Variants in MSI2 observed in about 807,000 individuals in gnomAD.
MSI2 encodes RNA-binding protein Musashi homolog 2.
A neutral mutation model predicts 45.6 loss-of-function variants in MSI2; 17 were observed. The observed-to-expected ratio is 0.37, with a 90% CI of 0.26 to 0.56. The LOEUF is 0.56. Among genes scored for constraint, MSI2 ranks in the 20% least tolerant of loss-of-function variants. The probability of loss-of-function intolerance (pLI) is 0.77; values close to 1 mark genes in which losing one functional copy is unlikely to be tolerated. For missense variants in MSI2, 293 were observed against 444.2 expected (o/e 0.66, Z 3.06); for synonymous variants, 156 against 158.2 (o/e 0.99, Z 0.11).
chr17:57,327,883 G>A (rs1046313653), intron 5 of MSI2, among the ~76,000 whole-genome samples: 1 of 152,128 alleles, frequency 6.6e-6, no homozygotes, highest in Non-Finnish European at 1.5e-5. Context: ...CCCATTGTCA[G>A]GCAGGCCCGT....
At chr17:57,493,660 G>A (rs1238700030) in intron 6 of MSI2, among the ~76,000 whole-genome samples, 4 of 149,482 alleles carry the variant, frequency 2.7e-5, no homozygotes, top group East Asian at 2.0e-4. Context: ...CTTGAGCTGC[G>A]GGATGATCTT....
At chr17:57,286,898 G>C (rs919852421) in intron 5 of MSI2, among the ~76,000 whole-genome samples, 1 of 152,138 alleles carries the variant, frequency 6.6e-6, no homozygotes, top group Non-Finnish European at 1.5e-5. Flanking sequence ...TTAAAATGCC[G>C]AGGTAGGTTT....
chr17:57,560,486 C>A (rs1038804002), intron 7 of MSI2, among the ~76,000 whole-genome samples: 3 of 152,184 alleles, frequency 2.0e-5, no homozygotes, highest in African/African-American at 7.2e-5. Flanking sequence ...CCCACCACCC[C>A]CAGATCACCA....
At chr17:57,678,124 G>A (rs942194575) in intron 13 of MSI2, among the ~76,000 whole-genome samples, 1 of 152,198 alleles carries the variant, frequency 6.6e-6, no homozygotes, top group Non-Finnish European at 1.5e-5. Context: ...TTCATTGGAT[G>A]CCTCTCTCGT....
At chr17:57,346,792 C>T (rs540087986) in intron 5 of MSI2, among the ~76,000 whole-genome samples, 113 of 151,948 alleles carry the variant, frequency 7.4e-4, no homozygotes, top group Non-Finnish European at 7.8e-4. Context: ...TTTTTTGTAG[C>T]GATGGGGTTT....
At chr17:57,269,061 G>A (rs144075025) in intron 5 of MSI2, among the ~76,000 whole-genome samples, 1 of 152,284 alleles carries the variant, frequency 6.6e-6, no homozygotes, top group Admixed American at 6.5e-5. Context: ...ACAGCATTTT[G>A]AGGAAGGGCA....
chr17:57,515,520 T>C (rs1394126568), intron 6 of MSI2, among the ~76,000 whole-genome samples: 2 of 152,160 alleles, frequency 1.3e-5, no homozygotes, highest in Admixed American at 1.3e-4. Flanking sequence ...TGAATTCTTT[T>C]CTTTATCCTC....
chr17:57,604,970 G>C (rs1321313889), intron 8 of MSI2, among the ~76,000 whole-genome samples: 2 of 135,954 alleles, frequency 1.5e-5, no homozygotes, highest in African/African-American at 5.3e-5. Flanking sequence ...TGTGGGGAGG[G>C]GGGCGGGTAA....
intron 5 of MSI2, among the ~76,000 whole-genome samples, chr17:57,290,503 G>T (rs2143457506): frequency 6.6e-6 from 1 of 152,270 alleles, no homozygotes; most frequent in East Asian, 1.9e-4. Flanking sequence ...TAGAGATGGG[G>T]TCTTGTTATG....
At chr17:57,506,048 C>T (rs1219419916) in intron 6 of MSI2, among the ~76,000 whole-genome samples, 2 of 152,162 alleles carry the variant, frequency 1.3e-5, no homozygotes, top group East Asian at 3.9e-4. Context: ...TAATGTAATA[C>T]TCATCTTATC....
chr17:57,344,235 CT>C (rs1915408230), intron 5 of MSI2, among the ~76,000 whole-genome samples: 1 of 152,206 alleles, frequency 6.6e-6, no homozygotes, highest in Admixed American at 6.5e-5. Flanking sequence ...AGATCCCCTC[CT>C]TCTTACCCAC....
intron 5 of MSI2, chr17:57,264,194 C>G (rs980047570): frequency 6.6e-6 from 1 of 152,112 alleles, no homozygotes; most frequent in Non-Finnish European, 1.5e-5. Context: ...AGCCTGGGTT[C>G]GGATGCTGGT....
At chr17:57,351,521 T>C (rs1392140527) in intron 5 of MSI2, among the ~76,000 whole-genome samples, 1 of 152,214 alleles carries the variant, frequency 6.6e-6, no homozygotes, top group Non-Finnish European at 1.5e-5. Context: ...TTTATATAAA[T>C]TCTGGAGCCC....
chr17:57,379,068 G>C (rs1453744456), intron 5 of MSI2, among the ~76,000 whole-genome samples: 1 of 151,748 alleles, frequency 6.6e-6, no homozygotes, highest in Non-Finnish European at 1.5e-5. Flanking sequence ...TCTGCAGACC[G>C]ACCAGAGGTT....
intron 8 of MSI2, among the ~76,000 whole-genome samples, chr17:57,613,012 G>A (rs558753716): frequency 6.6e-6 from 1 of 152,206 alleles, no homozygotes; most frequent in East Asian, 1.9e-4. Flanking sequence ...TCACCCCTGG[G>A]CTTAGGAGAG....
chr17:57,617,719 GGCCAGGAGTTTATGAGCCA>G (rs1907857775), intron 9 of MSI2, among the ~76,000 whole-genome samples: 1 of 152,086 alleles, frequency 6.6e-6, no homozygotes, highest in Non-Finnish European at 1.5e-5. Flanking sequence ...GATCACTTGA[GGCCAGGAGTTTATGAGCCA>G]GCCTGGGCAA....
intron 7 of MSI2, among the ~76,000 whole-genome samples, chr17:57,561,393 C>CT (rs1233054928): frequency 6.6e-6 from 1 of 152,216 alleles, no homozygotes; most frequent in African/African-American, 2.4e-5. Flanking sequence ...AATCCCCGCT[C>CT]TTGCTCTCCC....
intron 7 of MSI2, chr17:57,532,496 G>A (rs1166349090): frequency 1.3e-5 from 2 of 152,212 alleles, no homozygotes. Context: ...ATACTTCACT[G>A]CATTTAGAAC....
chr17:57,347,661 C>A lies in MSI2; in HGVS notation c.313-53718C>A, dbSNP rs183361852. Among the ~76,000 whole-genome samples the A allele has an allele frequency of 1.8e-3, 272 of 152,246 alleles. 4 individuals are homozygous for A. The highest frequency in any genetic ancestry group is 0.012 in the Admixed American group (191 of 15,300). ...GCGAGGTCACTCCCTGGGATTTCTA[C>A]CCCCCTGAAAGCAAAGAAGTGGAAA... On this transcript the variant is annotated intron_variant, in intron 5 of 13. Transcript: ENST00000284073.
Sources: allele counts gnomAD v4.1 joint callset (sites outside exome capture counted in the v4.1 genomes callset), GRCh38; gene constraint gnomAD v4.1.1; transcripts MANE v1.5; gene names NCBI Gene and HGNC (gene_info 2026-07-23, HGNC 2026-07-21).